Variants in XPC observed in about 807,000 individuals in gnomAD.
XPC encodes XPC complex subunit, DNA damage recognition and repair factor, also known as DNA repair protein complementing XP-C cells.
A neutral mutation model predicts 95.8 loss-of-function variants in XPC; 76 were observed. That is an observed-to-expected ratio of 0.79 (90% confidence interval 0.66 to 0.96). The LOEUF (loss-of-function observed/expected upper bound fraction) is 0.96, where lower values mean the gene tolerates loss of function less well. Ranked by LOEUF, XPC falls within the 40% of genes least tolerant of loss-of-function variation. XPC has a pLI of 0.00. For synonymous variants in XPC, 442 were observed against 442.1 expected (o/e 1.00, Z 0.00); for missense variants, 1,146 against 1,179.8 (o/e 0.97, Z 0.42).
chr3:14,145,982 T>G lies in XPC; in HGVS notation c.2782A>C (p.Lys928Gln), dbSNP rs3731177. 4.8e-4 allele frequency: 769 copies of G among 1,608,788 alleles called. 3 individuals are homozygous for G. The African/African-American group carries it at 9.3e-3, about 19-fold the overall frequency. ...GGPKKTKREK[K>Q]AAASHLFPFE... Reference sequence around the variant, plus strand: ...GGGAACAGGTGGGAAGCTGCTGCTTTCTTTTCCCTTTTGGTCTTCTTGGGC... The same window carrying G: ...GGGAACAGGTGGGAAGCTGCTGCTTGCTTTTCCCTTTTGGTCTTCTTGGGC... Residue 928 changes from lysine to glutamine, a missense_variant, in exon 16 of 16, where the codon AAA (lysine) becomes CAA (glutamine). Transcript: ENST00000285021.
At position 14,158,589 on chromosome 3, in the gene XPC, CTT is replaced by C. The variant is rs794729654; in HGVS notation, c.1292_1293del (p.Lys431ArgfsTer6). The C allele has an allele frequency of 1.2e-6, 2 of 1,613,726 alleles. No homozygotes were observed. The highest frequency in any genetic ancestry group is 1.7e-6 in the Non-Finnish European group (2 of 1,179,888). On this transcript the variant is annotated frameshift_variant, in exon 9 of 16. Transcript: ENST00000285021. LOFTEE classifies it high-confidence loss of function. This position sits in a 1 kb window ranked among gnomAD's most constrained non-coding sequence, Gnocchi z 5.2. ...CCAGCCTCATCACTCCCACTCTCCTCTTTATAAGACACCCTGGAGGCCACCCG... is the reference window on the plus strand; with the variant it reads ...CCAGCCTCATCACTCCCACTCTCCTCTATAAGACACCCTGGAGGCCACCCG... ...ERRVASRVSY[K>X]EESGSDEAGS...
At chr3:14,173,902 ATACTC>A (rs1246455730) in intron 1 of XPC, among the ~76,000 whole-genome samples, 6 of 152,144 alleles carry the variant, frequency 3.9e-5, no homozygotes, top group African/African-American at 1.2e-4. Flanking sequence ...GAAAATAAAA[ATACTC>A]TACCTTTTAT....
In XPC at chr3:14,158,483, T is replaced by C; in HGVS notation, c.1400A>G (p.Gln467Arg). Residue 467 changes from glutamine (Q) to arginine (R), a missense_variant, in exon 9 of 16, where the codon CAG (glutamine) becomes CGG (arginine). Transcript: ENST00000285021. This position sits in a 1 kb window ranked among gnomAD's most constrained non-coding sequence, Gnocchi z 5.2. ...CCTCTGAGGAGCGGGGGCTTTCCTC[T>C]GCTTTGGAGGGCCAGGTTCGGAATC... Reference protein sequence around the residue: ...DEDSEPGPPKQRKAPAPQRTK... With the variant: ...DEDSEPGPPKRRKAPAPQRTK... 6.2e-7 allele frequency: 1 copy of C among 1,612,310 alleles called. No individual in the cohort carries two copies. The highest frequency in any genetic ancestry group is 8.5e-7 in the Non-Finnish European group (1 of 1,178,842).
chr3:14,148,915 C>T lies in XPC; in HGVS notation c.2149G>A (p.Ala717Thr). Residue 717 changes from alanine to threonine, a missense_variant, in exon 12 of 16, where the codon GCC becomes ACC. By Grantham distance (58) the Ala-to-Thr change is moderately conservative. Coordinates refer to ENST00000285021, the MANE Select transcript of XPC (RefSeq NM_004628.5). ...VKGFSNRARK[A>T]RLAEPQLREE... is the part of the protein sequence containing the mutation. ...CGCAGCTGGGGCTCAGCAAGTCGGG[C>T]TTTCCGAGCACGGTTAGAAAAGCCT... 1 of 1,614,020 alleles carries T rather than the reference C, an allele frequency of 6.2e-7. No homozygotes were observed. Among genetic ancestry groups the T allele is most frequent in the Non-Finnish European group, 8.5e-7 (1 of 1,179,896 alleles).
At chr3:14,168,527 G>A in intron 3 of XPC, 147 bp from the exon 4 acceptor site, 1 of 955,168 alleles carries the variant, frequency 1.0e-6, no homozygotes, top group Non-Finnish European at 1.6e-6. Context: ...GACATGCCTT[G>A]CCCTGAGTCC....
chr3:14,155,396 A>G (rs915183256), intron 10 of XPC, among the ~76,000 whole-genome samples: 11 of 151,984 alleles, frequency 7.2e-5, no homozygotes, highest in African/African-American at 2.4e-4. Flanking sequence ...CCCATTTCTC[A>G]AAATTCCTGT....
intron 1 of XPC, among the ~76,000 whole-genome samples, chr3:14,173,963 A>G (rs570272076): frequency 1.4e-4 from 22 of 152,314 alleles, no homozygotes; most frequent in African/African-American, 5.1e-4. Context: ...ATATAAAATT[A>G]TTTAATAATT....
Position 14,148,657 on chromosome 3 carries a change from G to A in XPC, c.2325C>T (p.Asn775=). The A allele has an allele frequency of 1.2e-6, 2 of 1,614,022 alleles. No homozygotes were observed. Among genetic ancestry groups the A allele is most frequent in the Non-Finnish European group, 1.7e-6 (2 of 1,179,894 alleles). ...GGGCCACGCGGTGTAGATTGGGCAG[G>A]TTCAGCTGGACACAGCCAATAGGCA... The part of the protein sequence containing the change: ...SMMPIGCVQL[N]LPNLHRVARK... The change falls in exon 13 of 16, where the codon AAC becomes AAT. Residue 775 remains asparagine, a synonymous_variant. Transcript: ENST00000285021.
In XPC at chr3:14,165,452, T is replaced by C. The variant is rs587778760; in HGVS notation, c.755A>G (p.Tyr252Cys). 1.3e-5 allele frequency: 21 copies of C among 1,598,916 alleles called. No individual in the cohort carries two copies. The highest frequency in any genetic ancestry group is 3.4e-5 in the South Asian group (3 of 88,188). The change falls in exon 6 of 16, where the codon TAC (tyrosine) becomes TGC (cysteine). Residue 252 changes from tyrosine (Y) to cysteine (C), a missense_variant. Tyr to Cys is a radical substitution (Grantham distance 194). Transcript: ENST00000285021. Reference protein sequence around the residue: ...TRVLPRDVDTYYLSNLVKWFI... With the variant: ...TRVLPRDVDTCYLSNLVKWFI... ...CCACTTCACCAGGTTTGAGAGGTAGTAGGTGTCCACATCTCGAGGCAGCAC... is the reference window on the plus strand; with the variant it reads ...CCACTTCACCAGGTTTGAGAGGTAGCAGGTGTCCACATCTCGAGGCAGCAC...
At chr3:14,168,152 T>G in intron 4 of XPC, 105 bp downstream of exon 4, 4 of 1,422,062 alleles carry the variant, frequency 2.8e-6, no homozygotes, top group Admixed American at 3.0e-5. Flanking sequence ...TCGACCACTT[T>G]GATACTCAGT....
intron 3 of XPC, among the ~76,000 whole-genome samples, chr3:14,169,309 A>C (rs1696516575): frequency 6.6e-6 from 1 of 151,784 alleles, no homozygotes; most frequent in Non-Finnish European, 1.5e-5. Flanking sequence ...ATAAAAGTTT[A>C]ATCAAAATTA....
chr3:14,148,416 G>A, intron 13 of XPC, 146 bp downstream of exon 13: 1 of 1,134,088 alleles, frequency 8.8e-7, no homozygotes, highest in Non-Finnish European at 1.2e-6. Context: ...GTAAAGCACT[G>A]ACTTTGCAAA....
intron 1 of XPC, among the ~76,000 whole-genome samples, chr3:14,176,826 C>A (rs528055024): frequency 1.3e-5 from 2 of 152,232 alleles, no homozygotes. Context: ...ACTAGCCGGG[C>A]GCAGTGGCTC....
intron 5 of XPC, 22 bp from the exon 6 acceptor site, chr3:14,165,607 G>A (rs761926801): frequency 9.9e-6 from 16 of 1,611,862 alleles, no homozygotes; most frequent in African/African-American, 1.3e-5. Context: ...AAAGGAGGAA[G>A]GGGCAGCATG....
Position 14,147,475 on chromosome 3 carries a change from ACAC to A in XPC, c.2515-99_2515-97del, listed in dbSNP as rs566807379. The A allele has an allele frequency of 2.5e-4, 300 of 1,187,830 alleles. 2 individuals carry two copies. The South Asian group carries it at 3.9e-3, about 16-fold the overall frequency. The allele number at this position is 1,187,830 out of a possible 1,614,324, so 73.6% of individuals were successfully genotyped here. A position where few individuals can be genotyped will look rare whatever the true frequency, so the allele number is the denominator to read the frequency against. On this transcript the variant is annotated intron_variant, in intron 14 of 15. Transcript: ENST00000285021. ...ACTGTGAATGTAAAGACAGATATAT[ACAC>A]CACTTTAGAATATAGCCTCTCCTTC...
chr3:14,168,403 A>C (rs1437008526), intron 3 of XPC, 23 bp from the exon 4 acceptor site: 1 of 1,613,318 alleles, frequency 6.2e-7, no homozygotes, highest in South Asian at 1.1e-5. Flanking sequence ...ATTTTTAAAA[A>C]TCAGTAATAG....
intron 11 of XPC, among the ~76,000 whole-genome samples, chr3:14,149,226 G>C (rs1334519883): frequency 6.6e-6 from 1 of 152,122 alleles, no homozygotes; most frequent in Non-Finnish European, 1.5e-5. Flanking sequence ...TGGGATTACA[G>C]GTGCCTGCCA....
Position 14,148,896 on chromosome 3 carries a change from T to C in XPC, c.2168A>G (p.Gln723Arg), listed in dbSNP as rs1176965647. The C allele has an allele frequency of 6.2e-7, 1 of 1,613,982 alleles. No homozygotes were observed. Among genetic ancestry groups the C allele is most frequent in the East Asian group, 2.2e-5 (1 of 44,882 alleles). Residue 723 changes from glutamine (Q) to arginine (R), a missense_variant, in exon 12 of 16, where the codon CAG becomes CGG. Gln to Arg is a conservative substitution (Grantham distance 43). Coordinates refer to ENST00000285021, the MANE Select transcript of XPC (RefSeq NM_004628.5). ...GCCCAGGTCATTTTCTTCCCGCAGC[T>C]GGGGCTCAGCAAGTCGGGCTTTCCG... ...RARKARLAEP[Q>R]LREENDLGLF...
In XPC at chr3:14,146,049, A is replaced by G. The variant is rs2125004972; in HGVS notation, c.2715T>C (p.Pro905=). ...GCTTTTCTTCATCTTCTCGGTTTTG[A>G]GGCCAGGAGGCAGCCAGTATCCTGG... is the stretch of plus-strand genomic sequence containing the variant. ...EAARILAASW[P]QNREDEEKQK... The change falls in exon 16 of 16, where the codon CCT becomes CCC. Residue 905 remains proline (P), a synonymous_variant. Coordinates refer to ENST00000285021, the MANE Select transcript of XPC (RefSeq NM_004628.5). 2 of 1,612,534 alleles carry G rather than the reference A, an allele frequency of 1.2e-6. No individual in the cohort carries two copies. Among genetic ancestry groups the G allele is most frequent in the Non-Finnish European group, 1.7e-6 (2 of 1,179,388 alleles).
Sources: gnomAD v4.1 joint callset for allele counts (sites outside exome capture counted in the v4.1 genomes callset) on GRCh38, gnomAD v4.1.1 for gene constraint, Gnocchi (gnomAD v3.1) non-coding constraint, MANE v1.5 for transcripts, NCBI Gene and HGNC (gene_info 2026-07-23, HGNC 2026-07-21) for gene names.